ARHGAP15: variants seen among roughly 807,000 people sequenced by gnomAD.
ARHGAP15 encodes Rho GTPase activating protein 15, also known as rho GTPase-activating protein 15.
In ARHGAP15, 51 loss-of-function variants were observed where a neutral mutation model predicts 63.7. The ratio of observed to expected loss-of-function variants is 0.80; its 90% CI spans 0.64 to 1.01. The LOEUF is 1.01. ARHGAP15 is among the 50% of genes least tolerant of loss of function. The pLI, the probability that ARHGAP15 is intolerant of heterozygous loss-of-function variation, is 0.00. For missense variants in ARHGAP15, 560 were observed against 564.6 expected, an observed-to-expected ratio of 0.99 and a Z score of 0.08; for synonymous variants, 191 against 193.8, an observed-to-expected ratio of 0.99 and a Z score of 0.12.
chr2:143,621,627 T>C (rs1698651447), intron 11 of ARHGAP15, among the ~76,000 whole-genome samples: 1 of 152,228 alleles, frequency 6.6e-6, no homozygotes, highest in African/African-American at 2.4e-5. Context: ...CAAATTATTA[T>C]TATTTCTTTA....
chr2:143,665,944 C>T lies in ARHGAP15; in HGVS notation c.1139-37475C>T, dbSNP rs1381617658. 6.2e-5 allele frequency among the ~76,000 whole-genome samples: 9 copies of T among 144,772 alleles called. No individual in the cohort carries two copies. In the East Asian group the frequency reaches 1.5e-3, roughly 24 times the overall value. The allele number at this position is 144,772 out of a possible 152,430, so 95.0% of individuals were successfully genotyped here. On this transcript the variant is annotated intron_variant, in intron 12 of 13. Coordinates refer to ENST00000295095, the MANE Select transcript of ARHGAP15 (RefSeq NM_018460.4). ...GGATACAAACAAATGGAAGAACATT[C>T]CATGCTCATGGGTAGGAAGAATCAA... is the stretch of plus-strand genomic sequence containing the variant.
chr2:143,149,980 G>GTTACCT (rs1174203811), intron 1 of ARHGAP15, among the ~76,000 whole-genome samples: 1 of 151,954 alleles, frequency 6.6e-6, no homozygotes, highest in East Asian at 1.9e-4. Context: ...TACATTTCTT[G>GTTACCT]TTACCTTTTC....
intron 11 of ARHGAP15, among the ~76,000 whole-genome samples, chr2:143,570,470 GTC>G (rs774733617): frequency 2.0e-5 from 3 of 152,180 alleles, no homozygotes; most frequent in Non-Finnish European, 4.4e-5. Context: ...TTTTAAACCT[GTC>G]TCTCCTACTT....
At chr2:143,372,342 G>GT (rs1204099343) in intron 6 of ARHGAP15, among the ~76,000 whole-genome samples, 1 of 106,244 alleles carries the variant, frequency 9.4e-6, no homozygotes, top group Non-Finnish European at 1.8e-5. Flanking sequence ...AAATGGAGTA[G>GT]TCGATTTAAA....
At chr2:143,204,322 C>A (rs1019260402) in intron 3 of ARHGAP15, among the ~76,000 whole-genome samples, 1 of 152,020 alleles carries the variant, frequency 6.6e-6, no homozygotes, top group Non-Finnish European at 1.5e-5. Flanking sequence ...ACAAACAAGG[C>A]GGCTTTTAAA....
chr2:143,581,469 C>T (rs978464116), intron 11 of ARHGAP15, among the ~76,000 whole-genome samples: 6 of 152,128 alleles, frequency 3.9e-5, no homozygotes, highest in Admixed American at 6.5e-5. Context: ...CTCTCTGAAA[C>T]TGTCCTTAAA....
intron 11 of ARHGAP15, among the ~76,000 whole-genome samples, chr2:143,557,636 A>G (rs1471383889): frequency 1.3e-5 from 2 of 152,088 alleles, no homozygotes; most frequent in Non-Finnish European, 2.9e-5. Flanking sequence ...AGTTAATAAT[A>G]ATGTATTGAT....
chr2:143,292,685 A>G (rs971086608), intron 6 of ARHGAP15, among the ~76,000 whole-genome samples: 1 of 152,006 alleles, frequency 6.6e-6, no homozygotes, highest in Non-Finnish European at 1.5e-5. Flanking sequence ...TTTTTAAGAA[A>G]ATCTTATTTT....
At chr2:143,144,082 C>A (rs1024218058) in intron 1 of ARHGAP15, among the ~76,000 whole-genome samples, 3 of 152,022 alleles carry the variant, frequency 2.0e-5, no homozygotes, top group Non-Finnish European at 2.9e-5. Context: ...CATGAACCTG[C>A]AAAGGACATG....
At chr2:143,367,227 C>T (rs72852722) in intron 6 of ARHGAP15, among the ~76,000 whole-genome samples, 2 of 152,056 alleles carry the variant, frequency 1.3e-5, no homozygotes, top group Non-Finnish European at 2.9e-5. Flanking sequence ...TGAAGATCCC[C>T]CAAAATTAAT....
chr2:143,168,061 A>G (rs1690620219), intron 2 of ARHGAP15, among the ~76,000 whole-genome samples: 1 of 152,196 alleles, frequency 6.6e-6, no homozygotes, highest in Non-Finnish European at 1.5e-5. Flanking sequence ...TTAGAAGTGT[A>G]GTCTTTATCA....
At chr2:143,686,580 G>C (rs1683360569) in intron 12 of ARHGAP15, among the ~76,000 whole-genome samples, 2 of 151,990 alleles carry the variant, frequency 1.3e-5, no homozygotes, top group South Asian at 4.1e-4. Flanking sequence ...TCCCTTAAAA[G>C]TGAAAATTAA....
intron 6 of ARHGAP15, among the ~76,000 whole-genome samples, chr2:143,274,863 C>T (rs971727801): frequency 6.6e-6 from 1 of 152,046 alleles, no homozygotes; most frequent in Non-Finnish European, 1.5e-5. Context: ...GTAAAATTCC[C>T]GAATCAAACT....
At chr2:143,421,118 A>G (rs1230326785) in intron 6 of ARHGAP15, among the ~76,000 whole-genome samples, 1 of 152,004 alleles carries the variant, frequency 6.6e-6, no homozygotes, top group Non-Finnish European at 1.5e-5. Context: ...TGTATTCCAA[A>G]CAGCACATTG....
At chr2:143,668,184 G>C (rs957972559) in intron 12 of ARHGAP15, among the ~76,000 whole-genome samples, 1 of 151,996 alleles carries the variant, frequency 6.6e-6, no homozygotes. Flanking sequence ...AGAAAGTACT[G>C]TGTAGATATT....
Position 143,752,456 on chromosome 2 carries a change from T to C in ARHGAP15, c.1245-15533T>C, listed in dbSNP as rs533239414. ...CCTAATTCACCACCAGGGTGAGTTT[T>C]CACAATTGGGCTGCCACCTTGTGCC... On this transcript the variant is annotated intron_variant, in intron 13 of 13. Coordinates refer to ENST00000295095, the MANE Select transcript of ARHGAP15 (RefSeq NM_018460.4). Among the ~76,000 whole-genome samples the C allele has an allele frequency of 3.3e-5, 5 of 152,270 alleles. No homozygotes were observed. In the East Asian group the frequency reaches 9.7e-4, roughly 29 times the overall value.
intron 6 of ARHGAP15, among the ~76,000 whole-genome samples, chr2:143,335,835 C>T (rs1372643986): frequency 1.3e-5 from 2 of 151,984 alleles, no homozygotes; most frequent in Non-Finnish European, 2.9e-5. Flanking sequence ...TCATGAAGGA[C>T]TTGAAGGGAT....
At chr2:143,639,127 A>G (rs1031055617) in intron 12 of ARHGAP15, among the ~76,000 whole-genome samples, 1 of 152,102 alleles carries the variant, frequency 6.6e-6, no homozygotes, top group Non-Finnish European at 1.5e-5. Flanking sequence ...TTGAAAAAAA[A>G]TGATTACAAG....
At chr2:143,734,963 CCTCT>C (rs898481596) in intron 13 of ARHGAP15, among the ~76,000 whole-genome samples, 1 of 152,122 alleles carries the variant, frequency 6.6e-6, no homozygotes, top group Admixed American at 6.5e-5. Flanking sequence ...AATGTCGTGT[CCTCT>C]CTCTTAATCA....
Sources: allele counts gnomAD v4.1 joint callset (sites outside exome capture counted in the v4.1 genomes callset), GRCh38; gene constraint gnomAD v4.1.1; transcripts MANE v1.5; gene names NCBI Gene and HGNC (gene_info 2026-07-23, HGNC 2026-07-21).